The following VIL1 variants were observed in gnomAD, a reference collection of about 807,000 sequenced individuals.
VIL1 encodes villin-1.
A neutral mutation model predicts 104.0 loss-of-function variants in VIL1; 86 were observed. The observed-to-expected ratio is 0.83, with a 90% CI of 0.69 to 0.99. The LOEUF is 0.99. VIL1 is among the 50% of genes least tolerant of loss of function. The pLI is 0.00. For missense variants in VIL1, 944 were observed against 1,054.1 expected (o/e 0.90, Z 1.45); for synonymous variants, 394 against 412.6 (o/e 0.95, Z 0.55).
chr2:218,437,008 CTGGTAG>C, intron 16 of VIL1, 110 bp from the exon 17 acceptor site: 2 of 1,259,340 alleles, frequency 1.6e-6, no homozygotes, highest in South Asian at 2.8e-5. Flanking sequence ...GGTCATTTGG[CTGGTAG>C]TGGTAGAGTC....
Position 218,429,476 on chromosome 2 carries a change from C to CA in VIL1, c.762dup (p.Leu255ThrfsTer6). The CA allele has an allele frequency of 6.2e-7, 1 of 1,613,948 alleles. No individual in the cohort carries two copies. The highest frequency in any genetic ancestry group is 8.5e-7 in the Non-Finnish European group (1 of 1,179,976). On this transcript the variant is annotated frameshift_variant, in exon 7 of 20. Coordinates refer to ENST00000248444, the MANE Select transcript of VIL1 (RefSeq NM_007127.3). LOFTEE classifies it high-confidence loss of function. ...TGGAGCCGGCACTCAAGGCTGCACT[C>CA]AAACTGTACCAGTGAGCGCCCAGCG...
Position 218,436,609 on chromosome 2 carries a change from C to G in VIL1, c.1954C>G (p.Leu652Val). The part of the protein sequence containing the change: ...DDLEEDDVFL[L>V]DVWDQVFFWI... ...CTTGGAAGAGGATGATGTGTTCCTA[C>G]TAGATGTCTGGGACCAGGTAGGACC... Residue 652 changes from leucine (L) to valine (V), a missense_variant, in exon 16 of 20, where the codon CTA (leucine) becomes GTA (valine). Leu to Val is a conservative substitution (Grantham distance 32, BLOSUM62 1). Transcript: ENST00000248444. 1.9e-6 allele frequency: 3 copies of G among 1,614,106 alleles called. No individual in the cohort carries two copies. Among genetic ancestry groups the G allele is most frequent in the Non-Finnish European group, 2.5e-6 (3 of 1,180,008 alleles).
chr2:218,427,977 G>T lies in VIL1; in HGVS notation c.360G>T (p.Gly120=). The T allele has an allele frequency of 6.2e-7, 1 of 1,614,052 alleles. No homozygotes were observed. The highest frequency in any genetic ancestry group is 8.5e-7 in the Non-Finnish European group (1 of 1,179,994). ...CCTCTCTTCTCAGGATCCGGAAAGGGGGCGTGGCTTCTGGCATGAAGCACG... is the reference window on the plus strand; with the variant it reads ...CCTCTCTTCTCAGGATCCGGAAAGGTGGCGTGGCTTCTGGCATGAAGCACG... ...YFKQGLVIRK[G]GVASGMKHVE... Residue 120 remains glycine (G), a synonymous_variant, in exon 5 of 20, where the codon GGG becomes GGT. Coordinates refer to ENST00000248444, the MANE Select transcript of VIL1 (RefSeq NM_007127.3).
intron 6 of VIL1, 49 bp downstream of exon 6, chr2:218,428,386 C>T: frequency 6.6e-7 from 1 of 1,515,226 alleles, no homozygotes; most frequent in East Asian, 2.3e-5. Flanking sequence ...TAGACTGCCC[C>T]CACCTGCTCC....
chr2:218,440,600 G>A (rs1689269613), intron 18 of VIL1, 122 bp from the exon 19 acceptor site: 1 of 1,161,712 alleles, frequency 8.6e-7, no homozygotes, highest in South Asian at 1.4e-5. Flanking sequence ...GTGTGTGGCA[G>A]GGTGGGGTGG....
intron 18 of VIL1, among the ~76,000 whole-genome samples, chr2:218,440,049 C>T (rs992177219): frequency 1.3e-5 from 2 of 151,938 alleles, no homozygotes; most frequent in African/African-American, 4.8e-5. Context: ...ACTCATGAAA[C>T]CCTTCTTGGT....
At chr2:218,446,759 A>ATTTTT (rs1559151598) in intron 19 of VIL1, among the ~76,000 whole-genome samples, 4 of 50,142 alleles carry the variant, frequency 8.0e-5, no homozygotes, top group African/African-American at 4.3e-4. Context: ...AGTGACCTTG[A>ATTTTT]CTTTTTTTTT....
At position 218,432,908 on chromosome 2, in the gene VIL1, C is replaced by G. The variant is rs377375678; in HGVS notation, c.1457C>G (p.Pro486Arg). 3.1e-6 allele frequency: 5 copies of G among 1,614,102 alleles called. No homozygotes were observed. The highest frequency in any genetic ancestry group is 4.2e-6 in the Non-Finnish European group (5 of 1,180,042). ...QIRVPMGKEP[P>R]HLMSIFKGRM... The stretch of plus-strand genomic sequence containing the variant: ...CGGGTCCCAATGGGCAAGGAGCCAC[C>G]TCATCTTATGTCCATCTTCAAGGGA... Residue 486 changes from proline to arginine, a missense_variant, in exon 13 of 20, where the codon CCT (proline) becomes CGT (arginine). Transcript: ENST00000248444.
chr2:218,420,711 G>A (rs922812291), intron 1 of VIL1, among the ~76,000 whole-genome samples: 8 of 150,570 alleles, frequency 5.3e-5, no homozygotes, highest in East Asian at 4.0e-4. Flanking sequence ...TCAGCCTCCC[G>A]CGTAGCTGGG....
chr2:218,429,054 C>T (rs1689049592), intron 6 of VIL1, among the ~76,000 whole-genome samples: 1 of 152,214 alleles, frequency 6.6e-6, no homozygotes, highest in Non-Finnish European at 1.5e-5. Flanking sequence ...GCCCAGCAAG[C>T]CCGCTTGAGC....
rs1574813234 is a variant in VIL1, at chr2:218,428,014, T to A, written c.397T>A (p.Ser133Thr). The change falls in exon 5 of 20, where the codon TCC becomes ACC. Residue 133 changes from serine (S) to threonine (T), a missense_variant. Ser to Thr is a moderately conservative substitution (Grantham distance 58). Transcript: ENST00000248444. Reference protein sequence around the residue: ...ASGMKHVETNSYDVQRLLHVK... With the variant: ...ASGMKHVETNTYDVQRLLHVK... ...TGGCATGAAGCACGTGGAGACCAAC[T>A]CCTATGACGTCCAGAGGCTGCTGCA... The A allele has an allele frequency of 6.2e-7, 1 of 1,613,982 alleles. No individual in the cohort carries two copies. Among genetic ancestry groups the A allele is most frequent in the Non-Finnish European group, 8.5e-7 (1 of 1,179,992 alleles).
At chr2:218,439,044 C>T (rs569220101) in intron 18 of VIL1, among the ~76,000 whole-genome samples, 1 of 150,934 alleles carries the variant, frequency 6.6e-6, no homozygotes, top group South Asian at 2.1e-4. Flanking sequence ...GATTCTCATG[C>T]CTCAACCTCC....
chr2:218,437,656 G>C (rs1464587728), intron 17 of VIL1, among the ~76,000 whole-genome samples: 1 of 152,244 alleles, frequency 6.6e-6, no homozygotes, highest in Non-Finnish European at 1.5e-5. Context: ...GCTGGCTACT[G>C]TGTTGGGCAG....
chr2:218,445,143 A>T (rs1689344162), intron 19 of VIL1, among the ~76,000 whole-genome samples: 1 of 152,196 alleles, frequency 6.6e-6, no homozygotes, highest in African/African-American at 2.4e-5. Context: ...TCATGCCTGT[A>T]ATCCCAGGCA....
rs371206014 is a variant in VIL1 at position 218,432,115 on chromosome 2, G to A, written c.1273G>A (p.Asp425Asn). ...GTGGCTAGGCCACTTCTATGGGGGC[G>A]ACTGCTACCTGCTGCTCTACACCTA... Reference protein sequence around the residue: ...SKWLGHFYGGDCYLLLYTYLI... With the variant: ...SKWLGHFYGGNCYLLLYTYLI... The change falls in exon 12 of 20, where the codon GAC becomes AAC. Residue 425 changes from aspartate (D) to asparagine (N), a missense_variant. Coordinates refer to ENST00000248444, the MANE Select transcript of VIL1 (RefSeq NM_007127.3). 243 of 1,613,790 alleles carry A rather than the reference G, an allele frequency of 1.5e-4. No individual in the cohort carries two copies. Among genetic ancestry groups the A allele is most frequent in the Non-Finnish European group, 1.9e-4 (226 of 1,179,960 alleles).
intron 4 of VIL1, among the ~76,000 whole-genome samples, chr2:218,427,376 T>A (rs1689020426): frequency 6.6e-6 from 1 of 150,836 alleles, no homozygotes; most frequent in East Asian, 2.0e-4. Flanking sequence ...TAGGCTAGAG[T>A]GCAATGGTGC....
chr2:218,447,489 T>C (rs1292101951), intron 19 of VIL1, among the ~76,000 whole-genome samples: 1 of 152,040 alleles, frequency 6.6e-6, no homozygotes, highest in Non-Finnish European at 1.5e-5. Context: ...GGCTAACTTT[T>C]GTATTTTTTT....
rs1453732099 is a variant in VIL1 at position 218,444,324 on chromosome 2, A to G, written c.2370+3462A>G. 3.3e-5 allele frequency among the ~76,000 whole-genome samples: 5 copies of G among 150,124 alleles called. No individual in the cohort carries two copies. The East Asian group carries it at 6.0e-4, about 18-fold the overall frequency. ...AGATGGAGTCTTGCTCTGTCGCCCAAGCTGGAGTGCAGTGGCACGATCTCG... is the reference window on the plus strand; with the variant it reads ...AGATGGAGTCTTGCTCTGTCGCCCAGGCTGGAGTGCAGTGGCACGATCTCG... On this transcript the variant is annotated intron_variant, in intron 19 of 19. Coordinates refer to ENST00000248444, the MANE Select transcript of VIL1 (RefSeq NM_007127.3).
chr2:218,449,528 C>CT lies in VIL1; in HGVS notation c.*193dup. ...AGAAAGATGATACCCCAAAAGGAGC[C>CT]TATGGTCCTCATTTCAACTTCTAAG... is the stretch of plus-strand genomic sequence containing the variant. On this transcript the variant is annotated 3_prime_UTR_variant, in exon 20 of 20. Coordinates refer to ENST00000248444, the MANE Select transcript of VIL1 (RefSeq NM_007127.3). 1 of 503,516 alleles carries CT rather than the reference C, an allele frequency of 2.0e-6. No homozygotes were observed. The highest frequency in any genetic ancestry group is 3.6e-6 in the Non-Finnish European group (1 of 275,768). 31.2% of individuals were successfully genotyped at this position (503,516 alleles called of 1,614,324 possible). A position where few individuals can be genotyped will look rare whatever the true frequency, so the allele number is the denominator to read the frequency against.
Sources: gnomAD v4.1 joint callset for allele counts (sites outside exome capture counted in the v4.1 genomes callset) on GRCh38, gnomAD v4.1.1 for gene constraint, MANE v1.5 for transcripts, NCBI Gene and HGNC (gene_info 2026-07-23, HGNC 2026-07-21) for gene names.